SGSM1: variants seen among roughly 807,000 people sequenced by gnomAD.
SGSM1 encodes the protein small G protein signaling modulator 1.
SGSM1 carries 73 observed loss-of-function variants against 133.8 expected under a neutral mutation model. The observed-to-expected ratio is 0.55, with a 90% CI of 0.45 to 0.66. The LOEUF (loss-of-function observed/expected upper bound fraction) is 0.66. Ranked by LOEUF, SGSM1 falls within the 30% of genes least tolerant of loss-of-function variation. SGSM1 has a pLI of 0.00. For synonymous variants in SGSM1, 563 were observed against 573.0 expected (o/e 0.98, Z 0.25); for missense variants, 1,213 against 1,448.1 (o/e 0.84, Z 2.64).
At chr22:24,889,719 G>A (rs1255338896) in intron 16 of SGSM1, among the ~76,000 whole-genome samples, 2 of 148,052 alleles carry the variant, frequency 1.4e-5, no homozygotes, top group African/African-American at 2.5e-5. Context: ...GCGCGATCTC[G>A]GCTCACTGCA....
rs987607470 is a variant in SGSM1, at chr22:24,825,590, T to G, written c.63+19106T>G. Among the ~76,000 whole-genome samples the G allele has an allele frequency of 2.6e-5, 4 of 152,104 alleles. No homozygotes were observed. The East Asian group carries it at 7.8e-4, about 30-fold the overall frequency. On this transcript the variant is annotated intron_variant, in intron 2 of 24. Transcript: ENST00000400358. ...GATTACAGGCATGTGCCTCCACACCTGGCTAATTTTTGTATTTTTAGTAGA... is the reference window on the plus strand; with the variant it reads ...GATTACAGGCATGTGCCTCCACACCGGGCTAATTTTTGTATTTTTAGTAGA...
chr22:24,823,426 C>T (rs1315930199), intron 2 of SGSM1, among the ~76,000 whole-genome samples: 1 of 150,946 alleles, frequency 6.6e-6, no homozygotes, highest in African/African-American at 2.4e-5. Context: ...ATGGTGAAAC[C>T]CTGTCTCTAA....
At position 24,879,502 on chromosome 22, in the gene SGSM1, A is replaced by T. The variant is rs369965003; in HGVS notation, c.1471A>T (p.Ile491Phe). The change falls in exon 14 of 25, where the codon ATC (isoleucine) becomes TTC (phenylalanine). Residue 491 changes from isoleucine (I) to phenylalanine (F), a missense_variant. Ile to Phe is a conservative substitution (Grantham distance 21). Transcript: ENST00000400358. ...TCTCTGTGACAATATGAAGTACCAG[A>T]TCCTCTCCAGAGCCTTCTATGGATG... ...KLLCDNMKYQ[I>F]LSRAFYGWLA... is the part of the protein sequence containing the mutation. 5.0e-6 allele frequency: 8 copies of T among 1,613,646 alleles called. No homozygotes were observed. The highest frequency in any genetic ancestry group is 6.8e-6 in the Non-Finnish European group (8 of 1,179,850).
chr22:24,910,288 T>G (rs1326472063), intron 21 of SGSM1, among the ~76,000 whole-genome samples: 4 of 152,130 alleles, frequency 2.6e-5, no homozygotes, highest in Non-Finnish European at 5.9e-5. Flanking sequence ...TGCACAACAT[T>G]GTGAATGTAC....
At chr22:24,870,621 T>A (rs1275263971) in intron 12 of SGSM1, among the ~76,000 whole-genome samples, 1 of 152,224 alleles carries the variant, frequency 6.6e-6, no homozygotes, top group African/African-American at 2.4e-5. Flanking sequence ...TGCATGCTAT[T>A]CAGCTACCAG....
intron 24 of SGSM1, among the ~76,000 whole-genome samples, chr22:24,922,075 A>G (rs5760734): frequency 0.21 from 31,854 of 151,600 alleles, 4,051 homozygotes; most frequent in East Asian, 0.56. Context: ...AATGGGGTGT[A>G]TGCACCCATT....
chr22:24,844,035 T>G (rs570954940), intron 2 of SGSM1: 2 of 152,338 alleles, frequency 1.3e-5, no homozygotes, highest in Non-Finnish European at 2.9e-5. Context: ...ACTTTCTTGA[T>G]TCCTTTATAT....
At chr22:24,877,807 T>C (rs921131022) in intron 13 of SGSM1, among the ~76,000 whole-genome samples, 12 of 121,902 alleles carry the variant, frequency 9.8e-5, no homozygotes, top group African/African-American at 2.5e-4. Flanking sequence ...TCTTTCTTTT[T>C]TTTTTTTTTT....
chr22:24,869,194 T>A (rs1931636643), intron 12 of SGSM1, among the ~76,000 whole-genome samples: 1 of 152,136 alleles, frequency 6.6e-6, no homozygotes. Context: ...ACCAGTTTCA[T>A]AGTCATTCTG....
chr22:24,869,941 G>T (rs746349871), intron 12 of SGSM1, among the ~76,000 whole-genome samples: 22 of 152,228 alleles, frequency 1.4e-4, no homozygotes, highest in Non-Finnish European at 2.5e-4. Flanking sequence ...ATGGGTGTCT[G>T]TTAAACAAAT....
At chr22:24,862,838 G>T (rs1290960209) in intron 9 of SGSM1, among the ~76,000 whole-genome samples, 2 of 152,264 alleles carry the variant, frequency 1.3e-5, no homozygotes, top group East Asian at 1.9e-4. Context: ...GAGCCTCAGG[G>T]TTCCCTTTTT....
chr22:24,847,629 T>C lies in SGSM1; in HGVS notation c.140-5T>C, dbSNP rs751974938. On this transcript the variant is annotated splice_region_variant and splice_polypyrimidine_tract_variant and intron_variant, in intron 3 of 24. Transcript: ENST00000400358. ...CAGGGTCTGCTGACTGCCATGTCCC[T>C]GCAGCGGCTGTGGAGGCCTGCGTTC... The C allele has an allele frequency of 2.5e-6, 4 of 1,612,890 alleles. No individual in the cohort carries two copies. Among genetic ancestry groups the C allele is most frequent in the Non-Finnish European group, 2.5e-6 (3 of 1,179,464 alleles).
chr22:24,833,593 G>A (rs993366250), intron 2 of SGSM1, among the ~76,000 whole-genome samples: 2 of 151,884 alleles, frequency 1.3e-5, no homozygotes, highest in Non-Finnish European at 2.9e-5. Flanking sequence ...GGGAGGTGGA[G>A]CTTGCAGTGA....
At chr22:24,880,230 G>A (rs890759645) in intron 14 of SGSM1, among the ~76,000 whole-genome samples, 1 of 152,002 alleles carries the variant, frequency 6.6e-6, no homozygotes, top group African/African-American at 2.4e-5. Flanking sequence ...CACCTCCTGG[G>A]TTCACGCCAT....
At chr22:24,841,801 C>T (rs905663434) in intron 2 of SGSM1, among the ~76,000 whole-genome samples, 4 of 152,300 alleles carry the variant, frequency 2.6e-5, no homozygotes, top group South Asian at 2.1e-4. Flanking sequence ...CTCGCTCTAT[C>T]GCCAGGCTGG....
At position 24,806,349 on chromosome 22, in the gene SGSM1, G is replaced by C. The variant is rs1927381320; in HGVS notation, c.19+5G>C. On this transcript the variant is annotated splice_donor_5th_base_variant and intron_variant, in intron 1 of 24. Coordinates refer to ENST00000400358, the MANE Select transcript of SGSM1 (RefSeq NM_001098497.3). Reference sequence around the variant, plus strand: ...CCATGGCCTCGGCCCCCGCGGGTAAGAGGCCGCTGGACACGAGGGCGGCGG... The same window carrying C: ...CCATGGCCTCGGCCCCCGCGGGTAACAGGCCGCTGGACACGAGGGCGGCGG... 6.7e-7 allele frequency: 1 copy of C among 1,483,792 alleles called. No individual in the cohort carries two copies. Among genetic ancestry groups the C allele is most frequent in the Non-Finnish European group, 8.9e-7 (1 of 1,119,080 alleles). The allele number at this position is 1,483,792 out of a possible 1,614,324, so 91.9% of individuals were successfully genotyped here. A position where few individuals can be genotyped will look rare whatever the true frequency, so the allele number is the denominator to read the frequency against.
chr22:24,855,852 C>T (rs1184196060), intron 8 of SGSM1, 172 bp downstream of exon 8: 3 of 940,120 alleles, frequency 3.2e-6, no homozygotes, highest in Non-Finnish European at 5.0e-6. Context: ...TTTACACGCA[C>T]CCATCCTTAC....
intron 19 of SGSM1, 77 bp from the exon 20 acceptor site, chr22:24,901,756 G>C: frequency 6.6e-7 from 1 of 1,511,084 alleles, no homozygotes; most frequent in Non-Finnish European, 9.0e-7. Flanking sequence ...AGAGGAGATA[G>C]GATTGCTGCT....
intron 9 of SGSM1, among the ~76,000 whole-genome samples, chr22:24,864,146 AGATATTGGGGTTCT>A (rs1301572187): frequency 1.3e-5 from 2 of 152,170 alleles, no homozygotes; most frequent in African/African-American, 4.8e-5. Context: ...CGAAAAAGCT[AGATATTGGGGTTCT>A]GAAGTCAGGC....
Sources: allele counts gnomAD v4.1 joint callset (sites outside exome capture counted in the v4.1 genomes callset), GRCh38; gene constraint gnomAD v4.1.1; transcripts MANE v1.5; gene names NCBI Gene and HGNC (gene_info 2026-07-23, HGNC 2026-07-21).